Variants in LAMA1 observed in about 807,000 individuals in gnomAD.
LAMA1 encodes the protein laminin subunit alpha-1.
LAMA1 carries 219 observed loss-of-function variants against 348.7 expected under a neutral mutation model. The ratio of observed to expected loss-of-function variants is 0.63; its 90% CI spans 0.56 to 0.70. The LOEUF (loss-of-function observed/expected upper bound fraction) is 0.70. Among genes scored for constraint, LAMA1 ranks in the 30% least tolerant of loss-of-function variants. The probability of loss-of-function intolerance (pLI) is 0.00; values close to 1 mark genes in which losing one functional copy is unlikely to be tolerated. For synonymous variants in LAMA1, 1,487 were observed against 1,491.0 expected, an observed-to-expected ratio of 1.00 and a Z score of 0.06; for missense variants, 3,744 against 3,888.0, an observed-to-expected ratio of 0.96 and a Z score of 0.99.
At chr18:7,090,419 A>G (rs1030635546) in intron 1 of LAMA1, among the ~76,000 whole-genome samples, 1 of 152,110 alleles carries the variant, frequency 6.6e-6, no homozygotes, top group South Asian at 2.1e-4. Context: ...TTTTTAAGGA[A>G]GGTGACTTGA....
rs1156658277 is a variant in LAMA1 at position 6,961,656 on chromosome 18, C to G, written c.7556G>C (p.Ser2519Thr). The change falls in exon 53 of 63, where the codon AGC becomes ACC. Residue 2519 changes from serine to threonine, a missense_variant. Physicochemically the swap from Ser to Thr is moderately conservative, Grantham distance 58 (BLOSUM62 1). Coordinates refer to ENST00000389658, the MANE Select transcript of LAMA1 (RefSeq NM_005559.4). ...EWLVTFATTN[S>T]SGIILAALGG... The stretch of plus-strand genomic sequence containing the variant: ...GAGGGCAGCCAGGATGATGCCACTG[C>G]TGTTCGTGGTGGCAAATGTTACCAG... The G allele has an allele frequency of 6.2e-7, 1 of 1,614,050 alleles. No homozygotes were observed. The highest frequency in any genetic ancestry group is 1.1e-5 in the South Asian group (1 of 91,076).
At chr18:7,091,833 T>C (rs2058240878) in intron 1 of LAMA1, among the ~76,000 whole-genome samples, 1 of 152,212 alleles carries the variant, frequency 6.6e-6, no homozygotes, top group Non-Finnish European at 1.5e-5. Context: ...TCCTTAAAAA[T>C]GTCCAGTGAC....
At chr18:7,043,930 C>T (rs931204863) in intron 7 of LAMA1, among the ~76,000 whole-genome samples, 5 of 151,970 alleles carry the variant, frequency 3.3e-5, no homozygotes, top group African/African-American at 9.7e-5. Flanking sequence ...CCGAGGCGGG[C>T]GGATCACGAG....
At chr18:7,063,607 G>A (rs1271085476) in intron 3 of LAMA1, among the ~76,000 whole-genome samples, 3 of 152,136 alleles carry the variant, frequency 2.0e-5, no homozygotes, top group Non-Finnish European at 4.4e-5. Context: ...CCAGGTACCC[G>A]TTGATGGATG....
chr18:6,975,968 T>C lies in LAMA1; in HGVS notation c.6458A>G (p.Asn2153Ser). The C allele has an allele frequency of 6.2e-7, 1 of 1,614,110 alleles. No individual in the cohort carries two copies. The highest frequency in any genetic ancestry group is 8.5e-7 in the Non-Finnish European group (1 of 1,180,018). ...TLNVKTQEPDNLLFYLGSSTA... is the reference protein window; with the variant it reads ...TLNVKTQEPDSLLFYLGSSTA... The stretch of plus-strand genomic sequence containing the variant: ...GCTGCTACCGAGGTAGAAGAGAAGA[T>C]TATCGGGTTCCTGTGTCTTAACATT... The change falls in exon 45 of 63, where the codon AAT (asparagine) becomes AGT (serine). Residue 2153 changes from asparagine (N) to serine (S), a missense_variant. Physicochemically the swap from Asn to Ser is conservative, Grantham distance 46 (BLOSUM62 1). Transcript: ENST00000389658.
rs334407 is a variant in LAMA1 at position 7,117,783 on chromosome 18, A to G, written c.-63T>C. On this transcript the variant is annotated 5_prime_UTR_variant, in exon 1 of 63. Coordinates refer to ENST00000389658, the MANE Select transcript of LAMA1 (RefSeq NM_005559.4). ...GCCGCGCGCCCGCCTGGAACGCTCC[A>G]CGGGACGCGAGTCCGCGCTGCCCTG... 0.53 allele frequency: 773,688 copies of G among 1,463,456 alleles called. 208,626 individuals carry two copies. The highest frequency in any genetic ancestry group is 0.68 in the Admixed American group (36,071 of 52,898). The allele number at this position is 1,463,456 out of a possible 1,614,324, so 90.7% of individuals were successfully genotyped here. A position where few individuals can be genotyped will look rare whatever the true frequency, so the allele number is the denominator to read the frequency against.
chr18:7,085,519 T>A (rs192215868), intron 1 of LAMA1, among the ~76,000 whole-genome samples: 1 of 149,160 alleles, frequency 6.7e-6, no homozygotes, highest in Admixed American at 6.8e-5. Flanking sequence ...CCCGGGTTCA[T>A]GCCATTCTCC....
intron 3 of LAMA1, among the ~76,000 whole-genome samples, chr18:7,056,567 G>T (rs916628459): frequency 6.6e-6 from 1 of 152,152 alleles, no homozygotes; most frequent in Non-Finnish European, 1.5e-5. Context: ...AAACCAGGTG[G>T]TGTCAACTCC....
intron 48 of LAMA1, among the ~76,000 whole-genome samples, chr18:6,970,982 A>T (rs1185548211): frequency 1.3e-5 from 2 of 152,226 alleles, no homozygotes; most frequent in East Asian, 3.9e-4. Flanking sequence ...TGACAATGAC[A>T]AAATGAAAAA....
intron 3 of LAMA1, among the ~76,000 whole-genome samples, chr18:7,054,884 A>T (rs2058075406): frequency 6.6e-6 from 1 of 152,212 alleles, no homozygotes; most frequent in Admixed American, 6.5e-5. Flanking sequence ...TCTCTAGCTT[A>T]CTTTAAGAAT....
chr18:6,986,084 G>A (rs117304842), intron 37 of LAMA1, 53 bp downstream of exon 37: 44,397 of 1,590,668 alleles, frequency 0.028, 743 homozygotes, highest in Middle Eastern at 0.051. Flanking sequence ...TGCTTACGTT[G>A]GAGTATTTTG....
chr18:7,072,862 A>AGGCTGGAG (rs1015003469), intron 3 of LAMA1, among the ~76,000 whole-genome samples: 2 of 152,094 alleles, frequency 1.3e-5, no homozygotes, highest in Non-Finnish European at 2.9e-5. Flanking sequence ...CACTAGTGGG[A>AGGCTGGAG]GGCTGGAGGG....
In LAMA1 at chr18:7,046,386, A is replaced by G. The variant is rs1346913343; in HGVS notation, c.769-19T>C. On this transcript the variant is annotated intron_variant, in intron 5 of 62. Transcript: ENST00000389658. ...AATAATACTAAGGAAAAAGAAAGTTATGAACAAAAATTAAAACCTAGATTT... is the reference window on the plus strand; with the variant it reads ...AATAATACTAAGGAAAAAGAAAGTTGTGAACAAAAATTAAAACCTAGATTT... 1.4e-6 allele frequency: 2 copies of G among 1,439,006 alleles called. No individual in the cohort carries two copies. The highest frequency in any genetic ancestry group is 2.0e-6 in the Non-Finnish European group (2 of 1,025,328). 89.1% of individuals were successfully genotyped at this position (1,439,006 alleles called of 1,614,324 possible).
At chr18:7,023,689 C>T (rs1162236158) in intron 18 of LAMA1, among the ~76,000 whole-genome samples, 3 of 152,286 alleles carry the variant, frequency 2.0e-5, no homozygotes, top group East Asian at 1.9e-4. Context: ...GGCACTGAGA[C>T]GCACACATAG....
intron 1 of LAMA1, among the ~76,000 whole-genome samples, chr18:7,112,439 G>T (rs1235233007): frequency 3.3e-5 from 5 of 152,010 alleles, no homozygotes; most frequent in Non-Finnish European, 7.4e-5. Flanking sequence ...GATGTAGCTT[G>T]CTTTTAAAAG....
At chr18:7,096,053 G>A (rs1182835539) in intron 1 of LAMA1, among the ~76,000 whole-genome samples, 3 of 152,236 alleles carry the variant, frequency 2.0e-5, no homozygotes, top group Admixed American at 6.5e-5. Flanking sequence ...AGGCAACAGC[G>A]CGAGACTCCG....
rs200073056 is a variant in LAMA1 at position 7,064,155 on chromosome 18, A to AT, written c.346-13220dup. ...CAGGATTGGATGTTGTGTATTGTGGATTTTTTTTTGTTTATTTTGTTCTGA... is the reference window on the plus strand; with the variant it reads ...CAGGATTGGATGTTGTGTATTGTGGATTTTTTTTTTGTTTATTTTGTTCTGA... On this transcript the variant is annotated intron_variant, in intron 3 of 62. Coordinates refer to ENST00000389658, the MANE Select transcript of LAMA1 (RefSeq NM_005559.4). 1.9e-3 allele frequency among the ~76,000 whole-genome samples: 286 copies of AT among 151,416 alleles called. 3 individuals are homozygous for AT. Among genetic ancestry groups the AT allele is most frequent in the African/African-American group, 6.6e-3 (273 of 41,256 alleles).
At chr18:7,046,719 C>T (rs1052560483) in intron 5 of LAMA1, among the ~76,000 whole-genome samples, 4 of 152,084 alleles carry the variant, frequency 2.6e-5, no homozygotes, top group African/African-American at 9.7e-5. Flanking sequence ...AAGAGTTACC[C>T]TAGAATGCAA....
chr18:6,993,969 A>C (rs1261006790), intron 34 of LAMA1, among the ~76,000 whole-genome samples: 1 of 152,240 alleles, frequency 6.6e-6, no homozygotes, highest in Non-Finnish European at 1.5e-5. Context: ...CAACTCACTC[A>C]GCATAAGAAA....
Sources: gnomAD v4.1 joint callset for allele counts (sites outside exome capture counted in the v4.1 genomes callset) on GRCh38, gnomAD v4.1.1 for gene constraint, MANE v1.5 for transcripts, NCBI Gene and HGNC (gene_info 2026-07-23, HGNC 2026-07-21) for gene names.